Variants in CNTN6 observed in about 807,000 individuals in gnomAD.
The protein encoded by CNTN6 is contactin 6, also known as contactin-6.
In CNTN6, 137 loss-of-function variants were observed where a neutral mutation model predicts 122.8. The ratio of observed to expected loss-of-function variants is 1.12; its 90% CI spans 0.97 to 1.29. The LOEUF (loss-of-function observed/expected upper bound fraction) is 1.29. Among genes scored for constraint, CNTN6 ranks in the 50% most tolerant of loss-of-function variants. The pLI, the probability that CNTN6 is intolerant of heterozygous loss-of-function variation, is 0.00. For synonymous variants in CNTN6, 570 were observed against 426.0 expected, an observed-to-expected ratio of 1.34 and a Z score of -4.16; for missense variants, 1,634 against 1,223.4, an observed-to-expected ratio of 1.34 and a Z score of -5.01.
At chr3:1,139,373 CT>C in intron 1 of CNTN6, among the ~76,000 whole-genome samples, 1 of 152,234 alleles carries the variant, frequency 6.6e-6, no homozygotes, top group East Asian at 1.9e-4. Flanking sequence ...AATAATTTAG[CT>C]ACTTGCTTCA....
chr3:1,137,229 G>A (rs558215973), intron 1 of CNTN6, among the ~76,000 whole-genome samples: 73 of 152,318 alleles, frequency 4.8e-4, no homozygotes, highest in Middle Eastern at 3.4e-3. Context: ...ACAATAGGGG[G>A]TGTCCCCCAA....
intron 20 of CNTN6, among the ~76,000 whole-genome samples, chr3:1,398,973 A>G (rs989838168): frequency 2.0e-5 from 3 of 152,184 alleles, no homozygotes; most frequent in African/African-American, 7.2e-5. Flanking sequence ...GTCATTGCCA[A>G]CATTGCAAAC....
intron 12 of CNTN6, among the ~76,000 whole-genome samples, chr3:1,369,381 G>GTT (rs5846111): frequency 9.5e-5 from 13 of 137,526 alleles, no homozygotes; most frequent in African/African-American, 3.2e-4. Flanking sequence ...CTTGCTGCGG[G>GTT]TTTTTTTTTT....
intron 5 of CNTN6, among the ~76,000 whole-genome samples, chr3:1,286,372 A>G (rs551089395): frequency 6.6e-6 from 1 of 151,988 alleles, no homozygotes; most frequent in Admixed American, 6.5e-5. Context: ...AGTAGGCCCC[A>G]GTGTGTGATG....
intron 10 of CNTN6, among the ~76,000 whole-genome samples, chr3:1,329,328 C>G (rs1156598298): frequency 6.6e-6 from 1 of 151,394 alleles, no homozygotes; most frequent in Non-Finnish European, 1.5e-5. Flanking sequence ...AATAGACTTT[C>G]CTGGTCAGAA....
chr3:1,273,724 T>C (rs1691800015), intron 4 of CNTN6, among the ~76,000 whole-genome samples: 2 of 152,230 alleles, frequency 1.3e-5, no homozygotes, highest in Admixed American at 1.3e-4. Flanking sequence ...TAACAGGACT[T>C]GTGTGACTTT....
intron 4 of CNTN6, among the ~76,000 whole-genome samples, chr3:1,255,058 C>T (rs889087581): frequency 6.6e-6 from 1 of 152,152 alleles, no homozygotes; most frequent in Non-Finnish European, 1.5e-5. Context: ...CATGGCCTCT[C>T]ATGCTCCAGC....
At chr3:1,336,794 A>C (rs1440675365) in intron 11 of CNTN6, among the ~76,000 whole-genome samples, 1 of 152,210 alleles carries the variant, frequency 6.6e-6, no homozygotes, top group South Asian at 2.1e-4. Flanking sequence ...GAGCAGACCC[A>C]CTGCACTTCC....
At chr3:1,158,823 C>CGTGTGT in intron 2 of CNTN6, among the ~76,000 whole-genome samples, 1 of 27,104 alleles carries the variant, frequency 3.7e-5, no homozygotes, top group African/African-American at 1.1e-4. Flanking sequence ...TATACACACA[C>CGTGTGT]ATATATATAC....
chr3:1,291,894 T>C (rs1387795919), intron 5 of CNTN6, among the ~76,000 whole-genome samples: 1 of 152,168 alleles, frequency 6.6e-6, no homozygotes, highest in East Asian at 1.9e-4. Context: ...CAAAGCATTT[T>C]TCAAAAATTA....
chr3:1,104,136 T>C (rs67356028), intron 1 of CNTN6, among the ~76,000 whole-genome samples: 17,062 of 152,096 alleles, frequency 0.11, 1,149 homozygotes, highest in African/African-American at 0.19. Context: ...ATGCGTATTC[T>C]TGAATTCAAT....
At chr3:1,275,514 C>G (rs566019124) in intron 4 of CNTN6, among the ~76,000 whole-genome samples, 41 of 152,300 alleles carry the variant, frequency 2.7e-4, no homozygotes, top group African/African-American at 8.7e-4. Context: ...AAGGTTAACT[C>G]CTAGACAACT....
intron 12 of CNTN6, among the ~76,000 whole-genome samples, chr3:1,364,506 GA>G (rs143883424): frequency 0.015 from 2,124 of 143,802 alleles, 40 homozygotes; most frequent in African/African-American, 0.05. Context: ...TGAGTTGAAG[GA>G]AAAAAAAAAC....
Position 1,295,581 on chromosome 3 carries a change from T to C in CNTN6, c.455-20T>C. On this transcript the variant is annotated intron_variant, in intron 5 of 22. Coordinates refer to ENST00000446702, the MANE Select transcript of CNTN6 (RefSeq NM_001289080.2). ...GACAGTATGGTTTTGTTTTGTTTTGTTTTGTTTCTTGTTTTTCAGATTTAT... is the reference window on the plus strand; with the variant it reads ...GACAGTATGGTTTTGTTTTGTTTTGCTTTGTTTCTTGTTTTTCAGATTTAT... The C allele has an allele frequency of 6.2e-7, 1 of 1,603,324 alleles. No homozygotes were observed. Among genetic ancestry groups the C allele is most frequent in the Non-Finnish European group, 8.5e-7 (1 of 1,171,158 alleles).
At chr3:1,387,828 C>A (rs1281428900) in intron 20 of CNTN6, among the ~76,000 whole-genome samples, 1 of 151,954 alleles carries the variant, frequency 6.6e-6, no homozygotes, top group African/African-American at 2.4e-5. Context: ...TGGGTCACTC[C>A]CACCCGAATA....
chr3:1,245,225 T>TACACACACAC (rs1308618434), intron 4 of CNTN6, among the ~76,000 whole-genome samples: 6 of 17,256 alleles, frequency 3.5e-4, no homozygotes, highest in Non-Finnish European at 5.2e-4. Flanking sequence ...TATATATATA[T>TACACACACAC]ATATATATAT....
Position 1,147,957 on chromosome 3 carries a change from G to C in CNTN6, c.-52G>C, listed in dbSNP as rs1371048314. ...TGAGATACTGACTGGAAGATAGACTGTTTTGTTCCACCTGATTGTATGGGA... is the reference window on the plus strand; with the variant it reads ...TGAGATACTGACTGGAAGATAGACTCTTTTGTTCCACCTGATTGTATGGGA... On this transcript the variant is annotated 5_prime_UTR_variant, in exon 2 of 23. Coordinates refer to ENST00000446702, the MANE Select transcript of CNTN6 (RefSeq NM_001289080.2). 4 of 1,365,660 alleles carry C rather than the reference G, an allele frequency of 2.9e-6. No individual in the cohort carries two copies. The highest frequency in any genetic ancestry group is 2.9e-5 in the African/African-American group (2 of 70,078). The allele number at this position is 1,365,660 out of a possible 1,614,324, so 84.6% of individuals were successfully genotyped here.
chr3:1,159,261 TTA>T (rs2093065982), intron 2 of CNTN6, among the ~76,000 whole-genome samples: 1 of 151,868 alleles, frequency 6.6e-6, no homozygotes, highest in South Asian at 2.1e-4. Context: ...CCTATACGCA[TTA>T]TGTTTCTTCA....
At position 1,311,349 on chromosome 3, in the gene CNTN6, CTT is replaced by C. The variant is rs71703546; in HGVS notation, c.762-10299_762-10298del. On this transcript the variant is annotated intron_variant, in intron 7 of 22. Coordinates refer to ENST00000446702, the MANE Select transcript of CNTN6 (RefSeq NM_001289080.2). ...ATACATATATGTACATATAAAATGT[CTT>C]TATATGTACATATATGTACATATAA... Among the ~76,000 whole-genome samples, 244 of 122,366 alleles carry C rather than the reference CTT, an allele frequency of 2.0e-3. 5 individuals carry two copies. The highest frequency in any genetic ancestry group is 8.0e-3 in the African/African-American group (222 of 27,672). 80.3% of individuals were successfully genotyped at this position (122,366 alleles called of 152,430 possible). A position where few individuals can be genotyped will look rare whatever the true frequency, so the allele number is the denominator to read the frequency against.
Sources: allele counts gnomAD v4.1 joint callset (sites outside exome capture counted in the v4.1 genomes callset), GRCh38; gene constraint gnomAD v4.1.1; transcripts MANE v1.5; gene names NCBI Gene and HGNC (gene_info 2026-07-23, HGNC 2026-07-21).